The following TNN variants were observed in gnomAD, a reference collection of about 807,000 sequenced individuals.
TNN encodes tenascin-N.
A neutral mutation model predicts 134.4 loss-of-function variants in TNN; 122 were observed. The ratio of observed to expected loss-of-function variants is 0.91; its 90% confidence interval spans 0.78 to 1.06. TNN has a LOEUF of 1.06. Among genes scored for constraint, TNN ranks in the 50% least tolerant of loss-of-function variants. The pLI is 0.00. For synonymous variants in TNN, 710 were observed against 670.3 expected, an observed-to-expected ratio of 1.06 and a Z score of -0.91; for missense variants, 1,739 against 1,699.4, an observed-to-expected ratio of 1.02 and a Z score of -0.41.
At chr1:175,097,750 A>G (rs2149432899) in intron 8 of TNN, 67 bp downstream of exon 8, 1 of 1,596,196 alleles carries the variant, frequency 6.3e-7, no homozygotes, top group South Asian at 1.1e-5. Flanking sequence ...GTATGGTATC[A>G]AAGGATGTGG....
At chr1:175,092,390 G>A (rs1024320276) in intron 6 of TNN, among the ~76,000 whole-genome samples, 3 of 86,622 alleles carry the variant, frequency 3.5e-5, no homozygotes, top group Admixed American at 2.2e-4. Flanking sequence ...AGGCCCACAA[G>A]TGGCAGACTA....
In TNN at chr1:175,135,859, G is replaced by A. The variant is rs977468876; in HGVS notation, c.3345G>A (p.Arg1115=). ...DGGGWIVFQR[R]NTGQLDFFKR... Reference sequence around the variant, plus strand: ...TTCCTTCTCAGGTCTTCCAGAGGCGGAACACTGGGCAGCTGGATTTCTTCA... The same window carrying A: ...TTCCTTCTCAGGTCTTCCAGAGGCGAAACACTGGGCAGCTGGATTTCTTCA... Residue 1115 remains arginine (R), a synonymous_variant, in exon 16 of 19, where the codon CGG becomes CGA. Coordinates refer to ENST00000239462, the MANE Select transcript of TNN (RefSeq NM_022093.2). 33 of 1,613,734 alleles carry A rather than the reference G, an allele frequency of 2.0e-5. No homozygotes were observed. The highest frequency in any genetic ancestry group is 2.5e-5 in the Non-Finnish European group (29 of 1,179,778).
At chr1:175,140,696 T>A (rs750191769) in intron 17 of TNN, among the ~76,000 whole-genome samples, 2 of 152,216 alleles carry the variant, frequency 1.3e-5, no homozygotes, top group African/African-American at 2.4e-5. Context: ...GAGGATGTAT[T>A]TTTTAATAGA....
intron 17 of TNN, among the ~76,000 whole-genome samples, chr1:175,143,662 C>CTGG (rs1307244124): frequency 6.6e-6 from 1 of 152,100 alleles, no homozygotes; most frequent in African/African-American, 2.4e-5. Context: ...GGAAGGTGGG[C>CTGG]TGGTCCACAG....
rs143003001 is a variant in TNN, at chr1:175,136,962, C to A, written c.3569C>A (p.Thr1190Lys). 5 of 1,614,064 alleles carry A rather than the reference C, an allele frequency of 3.1e-6. No homozygotes were observed. Among genetic ancestry groups the A allele is most frequent in the Non-Finnish European group, 4.2e-6 (5 of 1,179,982 alleles). ...TCCAGCAAGGAGCGGTATAAGCTGACAGTTGGGAAATACAGAGGCACGGCA... is the reference window on the plus strand; with the variant it reads ...TCCAGCAAGGAGCGGTATAAGCTGAAAGTTGGGAAATACAGAGGCACGGCA... ...VASSKERYKL[T>K]VGKYRGTAGD... Residue 1190 changes from threonine to lysine, a missense_variant, in exon 17 of 19, where the codon ACA becomes AAA. By Grantham distance (78) the Thr-to-Lys change is moderately conservative. Transcript: ENST00000239462.
intron 11 of TNN, among the ~76,000 whole-genome samples, chr1:175,122,015 G>A (rs7521981): frequency 0.35 from 52,526 of 152,018 alleles, 9,660 homozygotes; most frequent in Non-Finnish European, 0.42. Context: ...AATAGATATT[G>A]TGGAGCGATT....
intron 17 of TNN, among the ~76,000 whole-genome samples, chr1:175,138,430 T>C (rs1048116580): frequency 6.6e-6 from 1 of 151,728 alleles, no homozygotes; most frequent in Non-Finnish European, 1.5e-5. Context: ...TCCATAGGGG[T>C]GAATGAAAGG....
chr1:175,099,710 G>A (rs1674671224), intron 9 of TNN, among the ~76,000 whole-genome samples: 1 of 152,112 alleles, frequency 6.6e-6, no homozygotes, highest in Non-Finnish European at 1.5e-5. Flanking sequence ...GGGTTAGGGA[G>A]GAGGGAGCTG....
chr1:175,128,203 A>G (rs1454462976), intron 14 of TNN, 39 bp downstream of exon 14: 1 of 1,533,912 alleles, frequency 6.5e-7, no homozygotes, highest in Non-Finnish European at 8.8e-7. Flanking sequence ...CCGTGCAATG[A>G]GAACCAGCAC....
intron 1 of TNN, among the ~76,000 whole-genome samples, chr1:175,069,808 C>T (rs552516986): frequency 1.3e-4 from 20 of 152,318 alleles, no homozygotes; most frequent in Middle Eastern, 3.4e-3. Context: ...CTGTACCCAG[C>T]GAGTGTGAGT....
rs533347179 is a variant in TNN, at chr1:175,079,669, A to G, written c.746A>G (p.Tyr249Cys). Residue 249 changes from tyrosine (Y) to cysteine (C), a missense_variant, in exon 3 of 19, where the codon TAC becomes TGC. By Grantham distance (194) the Tyr-to-Cys change is radical (BLOSUM62 -2). Transcript: ENST00000239462. ...GHGFCDTGEC[Y>C]CEEGFTGLDC... Reference sequence around the variant, plus strand: ...GGCTTCTGTGACACGGGCGAGTGCTACTGCGAGGAGGGCTTCACAGGCCTG... The same window carrying G: ...GGCTTCTGTGACACGGGCGAGTGCTGCTGCGAGGAGGGCTTCACAGGCCTG... 14 of 1,608,984 alleles carry G rather than the reference A, an allele frequency of 8.7e-6. No homozygotes were observed. Among genetic ancestry groups the G allele is most frequent in the Non-Finnish European group, 1.2e-5 (14 of 1,178,176 alleles).
intron 11 of TNN, 147 bp downstream of exon 11, chr1:175,118,971 CAAA>C: frequency 8.5e-7 from 1 of 1,177,494 alleles, no homozygotes; most frequent in Non-Finnish European, 1.2e-6. Context: ...CAAAACAAAA[CAAA>C]AACAAAAAAC....
Position 175,107,475 on chromosome 1 carries a change from T to C in TNN, c.2119+8880T>C, listed in dbSNP as rs112618521. Among the ~76,000 whole-genome samples, 2 of 144,672 alleles carry C rather than the reference T, an allele frequency of 1.4e-5. 1 individual carries two copies. The highest frequency in any genetic ancestry group is 5.0e-5 in the African/African-American group (2 of 40,142). The allele number at this position is 144,672 out of a possible 152,430, so 94.9% of individuals were successfully genotyped here. On this transcript the variant is annotated intron_variant, in intron 9 of 18. Transcript: ENST00000239462. ...AAGGCAGCACGTCTGGAGTTGTTCG[T>C]TCCTCCCAGTGGGCTCATGGTCTTG...
Position 175,091,825 on chromosome 1 carries a change from A to G in TNN, c.1325-2165A>G, listed in dbSNP as rs535982619. On this transcript the variant is annotated intron_variant, in intron 6 of 18. Coordinates refer to ENST00000239462, the MANE Select transcript of TNN (RefSeq NM_022093.2). ...GGCTAGTCTCGAACTCCTGGCCTCA[A>G]GTGATCCACCCAGCTTCACCTCCCA... 4.8e-3 allele frequency among the ~76,000 whole-genome samples: 737 copies of G among 152,230 alleles called. 4 individuals carry two copies. Among genetic ancestry groups the G allele is most frequent in the Non-Finnish European group, 7.2e-3 (490 of 67,998 alleles).
At chr1:175,128,863 GA>G (rs1473594985) in intron 15 of TNN, 117 bp downstream of exon 15, 23 of 1,179,636 alleles carry the variant, frequency 1.9e-5, no homozygotes, top group Middle Eastern at 3.1e-4. Flanking sequence ...ACCCATGGAA[GA>G]GAGGAGTTTT....
chr1:175,112,326 G>A (rs1474403312), intron 9 of TNN, among the ~76,000 whole-genome samples: 1 of 152,006 alleles, frequency 6.6e-6, no homozygotes, highest in Non-Finnish European at 1.5e-5. Flanking sequence ...TTGCATCCCT[G>A]TGATAAATCT....
At chr1:175,101,479 A>G (rs1674723394) in intron 9 of TNN, among the ~76,000 whole-genome samples, 1 of 149,330 alleles carries the variant, frequency 6.7e-6, no homozygotes, top group Non-Finnish European at 1.5e-5. Context: ...GTGGAAGGGG[A>G]CCCGAGAAGG....
chr1:175,129,344 C>T (rs1415977178), intron 15 of TNN, among the ~76,000 whole-genome samples: 3 of 152,030 alleles, frequency 2.0e-5, no homozygotes, highest in African/African-American at 7.2e-5. Flanking sequence ...GCTAGGAATA[C>T]CTAACTTTCT....
intron 9 of TNN, among the ~76,000 whole-genome samples, chr1:175,101,956 GGTCCTCCAC>G (rs1674735095): frequency 7.1e-6 from 1 of 141,368 alleles, no homozygotes; most frequent in Non-Finnish European, 1.6e-5. Context: ...TAGACATAAA[GGTCCTCCAC>G]GTCCTCATCA....
Sources: gnomAD v4.1 joint callset for allele counts (sites outside exome capture counted in the v4.1 genomes callset) on GRCh38, gnomAD v4.1.1 for gene constraint, MANE v1.5 for transcripts, NCBI Gene and HGNC (gene_info 2026-07-23, HGNC 2026-07-21) for gene names.